ANKRD36: variants seen among roughly 807,000 people sequenced by gnomAD.
ANKRD36 encodes the protein ankyrin repeat domain 36, also known as ankyrin repeat domain-containing protein 36A.
A neutral mutation model predicts 278.1 loss-of-function variants in ANKRD36; 179 were observed. The observed-to-expected ratio is 0.64, with a 90% confidence interval of 0.57 to 0.73. ANKRD36 has a LOEUF of 0.73. Among genes scored for constraint, ANKRD36 ranks in the 30% least tolerant of loss-of-function variants. The probability of loss-of-function intolerance (pLI) is 0.00; values close to 1 mark genes in which losing one functional copy is unlikely to be tolerated. For missense variants in ANKRD36, 1,159 were observed against 1,956.7 expected (o/e 0.59, Z 7.69); for synonymous variants, 320 against 641.1 (o/e 0.50, Z 7.57).
intron 50 of ANKRD36, among the ~76,000 whole-genome samples, chr2:97,204,678 A>G (rs1168430077): frequency 6.6e-6 from 1 of 151,630 alleles, no homozygotes; most frequent in Admixed American, 6.6e-5. Flanking sequence ...AGGAGAACTA[A>G]GGAGACCCCT....
intron 11 of ANKRD36, among the ~76,000 whole-genome samples, chr2:97,147,203 A>G (rs1056998851): frequency 9.2e-5 from 14 of 151,768 alleles, no homozygotes; most frequent in African/African-American, 3.4e-4. Context: ...CTTACTCCCT[A>G]CCCAGTTAGG....
intron 20 of ANKRD36, among the ~76,000 whole-genome samples, chr2:97,165,970 A>T (rs2050537928): frequency 6.6e-6 from 1 of 152,112 alleles, no homozygotes; most frequent in Non-Finnish European, 1.5e-5. Flanking sequence ...ATTTCTGAAG[A>T]TGTTGCTGCA....
Position 97,154,795 on chromosome 2 carries a change from A to G in ANKRD36, c.1260+54A>G. ...TCTCATTCTGAATCTCATTTTTTGT[A>G]TTATTTTCTTCTAGCAAATAATAGG... On this transcript the variant is annotated intron_variant, in intron 15 of 75. Transcript: ENST00000420699. 1.5e-6 allele frequency: 2 copies of G among 1,363,680 alleles called. 1 individual carries two copies. The highest frequency in any genetic ancestry group is 2.0e-6 in the Non-Finnish European group (2 of 1,005,180). The allele number at this position is 1,363,680 out of a possible 1,614,324, so 84.5% of individuals were successfully genotyped here.
chr2:97,203,972 G>T, intron 48 of ANKRD36, 96 bp from the exon 49 acceptor site: 1 of 1,505,814 alleles, frequency 6.6e-7, no homozygotes, highest in African/African-American at 1.4e-5. Context: ...GCTAATACAG[G>T]CAGGAGGACA....
At chr2:97,200,386 G>C (rs2061012143) in intron 45 of ANKRD36, 24 bp downstream of exon 45, 1 of 1,604,708 alleles carries the variant, frequency 6.2e-7, no homozygotes, top group South Asian at 1.1e-5. Flanking sequence ...CATTCATATT[G>C]TGAGCTAGTA....
intron 6 of ANKRD36, among the ~76,000 whole-genome samples, chr2:97,135,734 A>T (rs1178447034): frequency 6.6e-6 from 1 of 151,742 alleles, no homozygotes; most frequent in East Asian, 1.9e-4. Context: ...CACTTGACAA[A>T]GGGACGATTC....
intron 67 of ANKRD36, among the ~76,000 whole-genome samples, chr2:97,228,468 G>A (rs1323033741): frequency 6.6e-6 from 1 of 152,054 alleles, no homozygotes; most frequent in Non-Finnish European, 1.5e-5. Context: ...TATTTCTGTG[G>A]GATCGGTGGT....
chr2:97,203,067 T>C (rs2061838316), intron 48 of ANKRD36, among the ~76,000 whole-genome samples: 1 of 151,822 alleles, frequency 6.6e-6, no homozygotes, highest in African/African-American at 2.4e-5. Flanking sequence ...CTATTAGGCA[T>C]CAGAGATACA....
intron 6 of ANKRD36, among the ~76,000 whole-genome samples, chr2:97,128,951 A>G (rs2039339335): frequency 6.6e-6 from 1 of 152,118 alleles, no homozygotes; most frequent in Non-Finnish European, 1.5e-5. Context: ...GTGTCTTTAT[A>G]GCAGCATGAT....
chr2:97,134,207 T>A (rs2040903726), intron 6 of ANKRD36, among the ~76,000 whole-genome samples: 1 of 152,122 alleles, frequency 6.6e-6, no homozygotes, highest in Non-Finnish European at 1.5e-5. Flanking sequence ...GATAGTTGAA[T>A]GTATTCAATT....
chr2:97,173,553 G>A (rs117220159), intron 22 of ANKRD36, among the ~76,000 whole-genome samples: 1 of 151,836 alleles, frequency 6.6e-6, no homozygotes, highest in Admixed American at 6.6e-5. Flanking sequence ...GTGTCAGAAT[G>A]GGATTGTACA....
chr2:97,216,808 A>G (rs1435567750), intron 62 of ANKRD36: 2 of 495,930 alleles, frequency 4.0e-6, no homozygotes, highest in African/African-American at 2.0e-5. Flanking sequence ...TGCATGAAAG[A>G]CCTGTGGGAT....
chr2:97,179,299 G>A (rs2123123), intron 22 of ANKRD36, among the ~76,000 whole-genome samples: 3 of 151,568 alleles, frequency 2.0e-5, no homozygotes, highest in African/African-American at 4.8e-5. Flanking sequence ...TCAAGTTAAA[G>A]AGCATGATGA....
intron 15 of ANKRD36, among the ~76,000 whole-genome samples, chr2:97,157,718 A>C (rs2047838482): frequency 6.8e-6 from 1 of 147,158 alleles, no homozygotes; most frequent in South Asian, 2.1e-4. Flanking sequence ...AATTCACACA[A>C]ATATATATCA....
At chr2:97,229,776 C>G (rs1010255069) in intron 67 of ANKRD36, among the ~76,000 whole-genome samples, 1 of 151,974 alleles carries the variant, frequency 6.6e-6, no homozygotes, top group African/African-American at 2.4e-5. Flanking sequence ...TGGCTGGTAC[C>G]GGTTGTTCCT....
intron 3 of ANKRD36, 77 bp from the exon 4 acceptor site, chr2:97,122,810 C>A: frequency 7.4e-7 from 1 of 1,353,114 alleles, no homozygotes; most frequent in Non-Finnish European, 1.0e-6. Flanking sequence ...CTCACAGGAT[C>A]TTACTTACAT....
At chr2:97,189,869 A>C (rs1248554311) in intron 34 of ANKRD36, among the ~76,000 whole-genome samples, 2 of 85,404 alleles carry the variant, frequency 2.3e-5, no homozygotes, top group African/African-American at 5.4e-5. Context: ...ATGTGCCTAA[A>C]AAATATTTGA....
chr2:97,125,670 A>C (rs1207796650), intron 5 of ANKRD36, among the ~76,000 whole-genome samples: 2 of 151,530 alleles, frequency 1.3e-5, no homozygotes, highest in East Asian at 3.9e-4. Context: ...TCCTTAGAGT[A>C]GTAGGTATCA....
intron 22 of ANKRD36, among the ~76,000 whole-genome samples, chr2:97,174,682 A>G (rs1476065221): frequency 1.5e-4 from 22 of 151,572 alleles, no homozygotes; most frequent in Non-Finnish European, 3.1e-4. Context: ...AGTGGTGAGA[A>G]AGGGCATCCC....
Sources: allele counts gnomAD v4.1 joint callset (sites outside exome capture counted in the v4.1 genomes callset), GRCh38; gene constraint gnomAD v4.1.1; transcripts MANE v1.5; gene names NCBI Gene and HGNC (gene_info 2026-07-23, HGNC 2026-07-21).